The following JMJD1C variants were observed in gnomAD, a reference collection of about 807,000 sequenced individuals.
The protein encoded by JMJD1C is jumonji domain-containing protein 1C.
In JMJD1C, 31 loss-of-function variants were observed where a neutral mutation model predicts 245.3. The observed-to-expected ratio is 0.13, with a 90% CI of 0.09 to 0.17. The LOEUF is 0.17. Among genes scored for constraint, JMJD1C ranks in the 10% least tolerant of loss-of-function variants. The pLI, the probability that JMJD1C is intolerant of heterozygous loss-of-function variation, is 1.00. For missense variants in JMJD1C, 2,691 were observed against 3,000.2 expected (o/e 0.90, Z 2.41); for synonymous variants, 1,057 against 1,017.4 (o/e 1.04, Z -0.74).
intron 1 of JMJD1C, among the ~76,000 whole-genome samples, chr10:63,517,442 A>G (rs957672375): frequency 1.3e-5 from 2 of 152,212 alleles, no homozygotes; most frequent in African/African-American, 2.4e-5. Flanking sequence ...GGAAACATAC[A>G]GTGTGATTTA....
Position 63,385,846 on chromosome 10 carries a change from C to T in JMJD1C, c.169-5364G>A, listed in dbSNP as rs117640040. Among the ~76,000 whole-genome samples the T allele has an allele frequency of 7.2e-3, 1,093 of 152,002 alleles. 9 individuals carry two copies. The highest frequency in any genetic ancestry group is 0.017 in the Middle Eastern group (5 of 294). Reference sequence around the variant, plus strand: ...TTTACTTATATATAGGTTTGTATAACCCAGGATACTCCAGATCCTGATTTG... The same window carrying T: ...TTTACTTATATATAGGTTTGTATAATCCAGGATACTCCAGATCCTGATTTG... On this transcript the variant is annotated intron_variant, in intron 1 of 25. Transcript: ENST00000399262.
chr10:63,465,324 G>A, intron 1 of JMJD1C, 171 bp downstream of exon 1: 1 of 688,840 alleles, frequency 1.5e-6, no homozygotes, highest in South Asian at 1.9e-5. Flanking sequence ...CGCTCGGAGA[G>A]ACGCAGGGAC....
intron 2 of JMJD1C, among the ~76,000 whole-genome samples, chr10:63,365,081 G>A (rs1366396831): frequency 6.6e-6 from 1 of 152,182 alleles, no homozygotes; most frequent in Non-Finnish European, 1.5e-5. Context: ...AAGACCTTGG[G>A]ATTTCCCAAT....
chr10:63,327,341 A>G (rs569602636), intron 2 of JMJD1C, among the ~76,000 whole-genome samples: 16 of 152,244 alleles, frequency 1.1e-4, no homozygotes, highest in Non-Finnish European at 1.9e-4. Context: ...AATGTAAATA[A>G]GCCTACACAA....
intron 2 of JMJD1C, among the ~76,000 whole-genome samples, chr10:63,313,151 T>C (rs1189509236): frequency 6.6e-6 from 1 of 152,184 alleles, no homozygotes; most frequent in African/African-American, 2.4e-5. Flanking sequence ...TCTTATGCCT[T>C]TGCATCCTCA....
chr10:63,487,974 G>A (rs917901710), intron 1 of JMJD1C, among the ~76,000 whole-genome samples: 3 of 152,140 alleles, frequency 2.0e-5, no homozygotes, highest in African/African-American at 7.2e-5. Flanking sequence ...TGAAGACACT[G>A]CGACACAGAG....
intron 2 of JMJD1C, among the ~76,000 whole-genome samples, chr10:63,296,712 G>A (rs1859473331): frequency 6.6e-6 from 1 of 152,296 alleles, no homozygotes; most frequent in Non-Finnish European, 1.5e-5. Flanking sequence ...ATAATTTTTA[G>A]TGAGTAGGCA....
intron 1 of JMJD1C, among the ~76,000 whole-genome samples, chr10:63,508,601 C>T (rs939509103): frequency 6.6e-6 from 1 of 152,166 alleles, no homozygotes; most frequent in Non-Finnish European, 1.5e-5. Context: ...GCTGTGTCTT[C>T]CTATCCATGA....
chr10:63,472,032 C>CA (rs1460683127), intron 1 of JMJD1C, among the ~76,000 whole-genome samples: 1 of 152,110 alleles, frequency 6.6e-6, no homozygotes, highest in Non-Finnish European at 1.5e-5. Flanking sequence ...GAGTGAGACT[C>CA]AGTCTCAAAA....
chr10:63,256,947 G>A (rs1055094009), intron 3 of JMJD1C, among the ~76,000 whole-genome samples: 1 of 152,086 alleles, frequency 6.6e-6, no homozygotes, highest in Admixed American at 6.6e-5. Context: ...TATAGAAAAA[G>A]AGAGTAGCCA....
intron 1 of JMJD1C, among the ~76,000 whole-genome samples, chr10:63,488,617 T>C (rs1246299086): frequency 6.6e-6 from 1 of 151,788 alleles, no homozygotes; most frequent in African/African-American, 2.4e-5. Context: ...TCAGCACTCA[T>C]TATATCCATT....
intron 1 of JMJD1C, among the ~76,000 whole-genome samples, chr10:63,389,672 T>G (rs1947899945): frequency 6.6e-6 from 1 of 152,004 alleles, no homozygotes; most frequent in Non-Finnish European, 1.5e-5. Context: ...TCAACAAATT[T>G]TTAAAAATTA....
intron 1 of JMJD1C, among the ~76,000 whole-genome samples, chr10:63,472,628 C>T (rs965793025): frequency 2.0e-5 from 3 of 151,812 alleles, no homozygotes; most frequent in South Asian, 4.2e-4. Context: ...CACTGCGCCC[C>T]GCCCTGCAAT....
At chr10:63,426,625 C>T (rs749944408) in intron 1 of JMJD1C, among the ~76,000 whole-genome samples, 1 of 151,962 alleles carries the variant, frequency 6.6e-6, no homozygotes, top group Non-Finnish European at 1.5e-5. Flanking sequence ...GAGCCAAGAT[C>T]GCGCCATTGC....
At chr10:63,218,230 A>G (rs1848211180) in intron 4 of JMJD1C, among the ~76,000 whole-genome samples, 3 of 152,256 alleles carry the variant, frequency 2.0e-5, no homozygotes, top group Admixed American at 2.0e-4. Flanking sequence ...TTTAAGTCAA[A>G]GATCTGGGAC....
intron 1 of JMJD1C, among the ~76,000 whole-genome samples, chr10:63,433,090 AT>A (rs1296502729): frequency 2.6e-5 from 4 of 151,264 alleles, no homozygotes; most frequent in African/African-American, 9.8e-5. Flanking sequence ...TTATTTTATT[AT>A]TATCATTTTT....
chr10:63,474,835 G>T (rs969461783), intron 1 of JMJD1C, among the ~76,000 whole-genome samples: 2 of 150,348 alleles, frequency 1.3e-5, no homozygotes, highest in African/African-American at 2.4e-5. Context: ...ATGTAGTCCA[G>T]TCAGCCTACT....
intron 1 of JMJD1C, among the ~76,000 whole-genome samples, chr10:63,395,360 C>T (rs1948416041): frequency 6.6e-6 from 1 of 152,068 alleles, no homozygotes; most frequent in Non-Finnish European, 1.5e-5. Flanking sequence ...TGCCTGTAGT[C>T]CTAGCTACTC....
chr10:63,357,526 G>C (rs578011748), intron 2 of JMJD1C, among the ~76,000 whole-genome samples: 21 of 151,676 alleles, frequency 1.4e-4, no homozygotes, highest in Non-Finnish European at 2.9e-4. Flanking sequence ...GGCTAGTCTC[G>C]AACTCCCGAC....
Sources: gnomAD v4.1 joint callset for allele counts (sites outside exome capture counted in the v4.1 genomes callset) on GRCh38, gnomAD v4.1.1 for gene constraint, MANE v1.5 for transcripts, NCBI Gene and HGNC (gene_info 2026-07-23, HGNC 2026-07-21) for gene names.